The following EID2B variants were observed in gnomAD, a reference collection of about 807,000 sequenced individuals.
EID2B encodes EP300 interacting inhibitor of differentiation 2B.
EID2B carries 6 observed loss-of-function variants against 5.9 expected under a neutral mutation model. The ratio of observed to expected loss-of-function variants is 1.01; its 90% CI spans 0.55 to 2.00. EID2B has a LOEUF of 2.00. Among genes scored for constraint, EID2B ranks in the 30% most tolerant of loss-of-function variants. The probability of loss-of-function intolerance (pLI) is 0.00; values close to 1 mark genes in which losing one functional copy is unlikely to be tolerated. For missense variants in EID2B, 234 were observed against 228.1 expected (o/e 1.03, Z -0.17); for synonymous variants, 94 against 104.2 (o/e 0.90, Z 0.60).
rs1288078135 is a variant in EID2B at position 39,531,196 on chromosome 19, C to G, written c.*1121G>C. ...GATACTTTTTTTCTTTTTTTTGAGA[C>G]GGAGTCCCACTCTGTTGACCAGGCT... is the stretch of plus-strand genomic sequence containing the variant. On this transcript the variant is annotated 3_prime_UTR_variant, in exon 1 of 1. Transcript: ENST00000326282. 1.3e-5 allele frequency: 2 copies of G among 152,058 alleles called. No individual in the cohort carries two copies. Among genetic ancestry groups the G allele is most frequent in the African/African-American group, 4.8e-5 (2 of 41,396 alleles). The allele number at this position is 152,058 out of a possible 1,614,324, so 9.4% of individuals were successfully genotyped here. A position where few individuals can be genotyped will look rare whatever the true frequency, so the allele number is the denominator to read the frequency against.
rs531974059 is a variant in EID2B at position 39,532,507 on chromosome 19, T to C, written c.296A>G (p.Tyr99Cys). ...CGGAATCATGGAGCTACCATCCAGA[T>C]ACTCGCGGAACAACAGCTGCCGGTT... ...EINRQLLFRE[Y>C]LDGSSMIPVR... The change falls in exon 1 of 1, where the codon TAT becomes TGT. Residue 99 changes from tyrosine to cysteine, a missense_variant. Physicochemically the swap from Tyr to Cys is radical, Grantham distance 194. Transcript: ENST00000326282. 2 of 1,614,160 alleles carry C rather than the reference T, an allele frequency of 1.2e-6. No homozygotes were observed. Among genetic ancestry groups the C allele is most frequent in the Non-Finnish European group, 1.7e-6 (2 of 1,180,036 alleles).
In EID2B at chr19:39,532,502, C is replaced by G; in HGVS notation, c.301G>C (p.Asp101His). ...CTGACCGGAATCATGGAGCTACCAT[C>G]CAGATACTCGCGGAACAACAGCTGC... ...NRQLLFREYLDGSSMIPVRLL... is the reference protein window; with the variant it reads ...NRQLLFREYLHGSSMIPVRLL... The change falls in exon 1 of 1, where the codon GAT becomes CAT. Residue 101 changes from aspartate to histidine, a missense_variant. Physicochemically the swap from Asp to His is moderately conservative, Grantham distance 81. Coordinates refer to ENST00000326282, the MANE Select transcript of EID2B (RefSeq NM_152361.3). The G allele has an allele frequency of 1.2e-6, 2 of 1,614,202 alleles. No individual in the cohort carries two copies. Among genetic ancestry groups the G allele is most frequent in the Non-Finnish European group, 1.7e-6 (2 of 1,180,042 alleles).
rs949180210 is a variant in EID2B, at chr19:39,532,343, C to A, written c.460G>T (p.Glu154Ter). ...VAFTVALTAS[E>*]ALSPLAD ...CAGTCGGCCAGAGGACTGAGGGCCT[C>A]GGAGGCAGTCAGCGCTACCGTAAAC... Residue 154 changes from glutamate (E) to a stop codon, truncating the protein, a stop_gained, in exon 1 of 1, where the codon GAG becomes TAG. Coordinates refer to ENST00000326282, the MANE Select transcript of EID2B (RefSeq NM_152361.3). LOFTEE classifies it high-confidence loss of function. The A allele has an allele frequency of 1.2e-6, 2 of 1,613,766 alleles. No homozygotes were observed. Among genetic ancestry groups the A allele is most frequent in the Admixed American group, 3.3e-5 (2 of 59,994 alleles).
In EID2B at chr19:39,532,661, C is replaced by T. The variant is rs1396045579; in HGVS notation, c.142G>A (p.Gly48Ser). Reference protein sequence around the residue: ...GGVRVQEAREGPVAEAARSMA... With the variant: ...GGVRVQEARESPVAEAARSMA... ...GACCGCGCAGCTTCGGCCACTGGGC[C>T]TTCCCGAGCCTCCTGCACCCGAACC... is the stretch of plus-strand genomic sequence containing the variant. Residue 48 changes from glycine (G) to serine (S), a missense_variant, in exon 1 of 1, where the codon GGC becomes AGC. Coordinates refer to ENST00000326282, the MANE Select transcript of EID2B (RefSeq NM_152361.3). 1.2e-6 allele frequency: 2 copies of T among 1,607,256 alleles called. No individual in the cohort carries two copies. Among genetic ancestry groups the T allele is most frequent in the Non-Finnish European group, 1.7e-6 (2 of 1,177,142 alleles).
Position 39,532,548 on chromosome 19 carries a change from GAGC to G in EID2B, c.252_254del (p.Gln84_Leu85delinsHis). 1 of 1,613,986 alleles carries G rather than the reference GAGC, an allele frequency of 6.2e-7. No individual in the cohort carries two copies. Among genetic ancestry groups the G allele is most frequent in the Non-Finnish European group, 8.5e-7 (1 of 1,179,988 alleles). On this transcript the variant is annotated inframe_deletion, in exon 1 of 1. Coordinates refer to ENST00000326282, the MANE Select transcript of EID2B (RefSeq NM_152361.3). Reference sequence around the variant, plus strand: ...GCTGCCGGTTAATTTCTAAGAAAGCGAGCTGCTGATGGGGGTCTGGCGCGGAGG... The same window carrying G: ...GCTGCCGGTTAATTTCTAAGAAAGCGTGCTGATGGGGGTCTGGCGCGGAGG...
Position 39,532,535 on chromosome 19 carries a change from T to G in EID2B, c.268A>C (p.Ile90Leu), listed in dbSNP as rs767907651. ...DPHQQLAFLE[I>L]NRQLLFREYL... Reference sequence around the variant, plus strand: ...TCGCGGAACAACAGCTGCCGGTTAATTTCTAAGAAAGCGAGCTGCTGATGG... The same window carrying G: ...TCGCGGAACAACAGCTGCCGGTTAAGTTCTAAGAAAGCGAGCTGCTGATGG... The change falls in exon 1 of 1, where the codon ATT becomes CTT. Residue 90 changes from isoleucine (I) to leucine (L), a missense_variant. Physicochemically the swap from Ile to Leu is conservative, Grantham distance 5. Coordinates refer to ENST00000326282, the MANE Select transcript of EID2B (RefSeq NM_152361.3). 3 of 1,613,976 alleles carry G rather than the reference T, an allele frequency of 1.9e-6. No homozygotes were observed. In the African/African-American group the frequency reaches 4.0e-5, roughly 22 times the overall value.
rs1971963415 is a variant in EID2B, at chr19:39,531,613, G to GT, written c.*703dup. 1 of 152,192 alleles carries GT rather than the reference G, an allele frequency of 6.6e-6. No homozygotes were observed. Among genetic ancestry groups the GT allele is most frequent in the South Asian group, 2.1e-4 (1 of 4,830 alleles). 9.4% of individuals were successfully genotyped at this position (152,192 alleles called of 1,614,324 possible). On this transcript the variant is annotated 3_prime_UTR_variant, in exon 1 of 1. Transcript: ENST00000326282. ...GAAAACACTGATCATATAATACGTG[G>GT]TTTTTTCTATTGAATATTTACTGTT...
In EID2B at chr19:39,532,482, C is replaced by T. The variant is rs757995858; in HGVS notation, c.321G>A (p.Pro107=). The stretch of plus-strand genomic sequence containing the variant: ...CCTCGAAATCCCGTAGTAATCTGAC[C>T]GGAATCATGGAGCTACCATCCAGAT... ...REYLDGSSMI[P]VRLLRDFEER... The change falls in exon 1 of 1, where the codon CCG becomes CCA. Residue 107 remains proline (P), a synonymous_variant. Coordinates refer to ENST00000326282, the MANE Select transcript of EID2B (RefSeq NM_152361.3). 3.1e-6 allele frequency: 5 copies of T among 1,614,182 alleles called. No homozygotes were observed. The highest frequency in any genetic ancestry group is 4.5e-5 in the East Asian group (2 of 44,884).
At position 39,532,767 on chromosome 19, in the gene EID2B, C is replaced by T; in HGVS notation, c.36G>A (p.Glu12=). 1.2e-6 allele frequency: 2 copies of T among 1,611,640 alleles called. No individual in the cohort carries two copies. The highest frequency in any genetic ancestry group is 1.1e-5 in the South Asian group (1 of 90,952). Residue 12 remains glutamate (E), a synonymous_variant, in exon 1 of 1, where the codon GAG becomes GAA. Transcript: ENST00000326282. ...AEPTGLLEMS[E]LPGDSSVPQV... ...GTGGGACACTGCTATCTCCGGGGAGCTCGGACATCTCCAACAGCCCAGTCG... is the reference window on the plus strand; with the variant it reads ...GTGGGACACTGCTATCTCCGGGGAGTTCGGACATCTCCAACAGCCCAGTCG...
chr19:39,532,557 A>G lies in EID2B; in HGVS notation c.246T>C (p.His82=). 4 of 1,613,868 alleles carry G rather than the reference A, an allele frequency of 2.5e-6. No individual in the cohort carries two copies. The highest frequency in any genetic ancestry group is 3.4e-6 in the Non-Finnish European group (4 of 1,179,976). Residue 82 remains histidine (H), a synonymous_variant, in exon 1 of 1, where the codon CAT becomes CAC. Coordinates refer to ENST00000326282, the MANE Select transcript of EID2B (RefSeq NM_152361.3). ...VPGLASAPDP[H]QQLAFLEINR... ...TAATTTCTAAGAAAGCGAGCTGCTG[A>G]TGGGGGTCTGGCGCGGAGGCCAGGC...
In EID2B at chr19:39,532,848, T is replaced by G. The variant is rs1471497868; in HGVS notation, c.-46A>C. ...GACTGGAATAACGGCACTGCACTGCTGTATGCGAGACCTGCGCATGCGCGA... is the reference window on the plus strand; with the variant it reads ...GACTGGAATAACGGCACTGCACTGCGGTATGCGAGACCTGCGCATGCGCGA... On this transcript the variant is annotated 5_prime_UTR_variant, in exon 1 of 1. Coordinates refer to ENST00000326282, the MANE Select transcript of EID2B (RefSeq NM_152361.3). 1.9e-6 allele frequency: 3 copies of G among 1,596,170 alleles called. No homozygotes were observed. The highest frequency in any genetic ancestry group is 2.5e-6 in the Non-Finnish European group (3 of 1,177,762).
Position 39,532,277 on chromosome 19 carries a change from T to C in EID2B, c.*40A>G. 1 of 1,592,174 alleles carries C rather than the reference T, an allele frequency of 6.3e-7. No individual in the cohort carries two copies. The highest frequency in any genetic ancestry group is 8.6e-7 in the Non-Finnish European group (1 of 1,165,672). ...GTTCTTTTGATCCCAAAAGGGTCACTTGGCTATTCCTTGCCACCAATGTCA... is the reference window on the plus strand; with the variant it reads ...GTTCTTTTGATCCCAAAAGGGTCACCTGGCTATTCCTTGCCACCAATGTCA... On this transcript the variant is annotated 3_prime_UTR_variant, in exon 1 of 1. Coordinates refer to ENST00000326282, the MANE Select transcript of EID2B (RefSeq NM_152361.3).
rs1371741610 is a variant in EID2B at position 39,532,092 on chromosome 19, AT to A, written c.*224del. 6 of 576,360 alleles carry A rather than the reference AT, an allele frequency of 1.0e-5. No homozygotes were observed. The highest frequency in any genetic ancestry group is 4.7e-4 in the Middle Eastern group (1 of 2,108). 35.7% of individuals were successfully genotyped at this position (576,360 alleles called of 1,614,324 possible). ...CTAGGGATGCGAGACTCCCTTCTCT[AT>A]TTAAATAATACTAAAAAAGAAGAAA... On this transcript the variant is annotated 3_prime_UTR_variant, in exon 1 of 1. Coordinates refer to ENST00000326282, the MANE Select transcript of EID2B (RefSeq NM_152361.3).
rs1023861838 is a variant in EID2B, at chr19:39,531,336, G to A, written c.*981C>T. Reference sequence around the variant, plus strand: ...CTACAAGCGCGTGCCACCACACCCAGTTAATTTTTTATTTTTCGTAGAGAT... The same window carrying A: ...CTACAAGCGCGTGCCACCACACCCAATTAATTTTTTATTTTTCGTAGAGAT... On this transcript the variant is annotated 3_prime_UTR_variant, in exon 1 of 1. Coordinates refer to ENST00000326282, the MANE Select transcript of EID2B (RefSeq NM_152361.3). 1 of 152,252 alleles carries A rather than the reference G, an allele frequency of 6.6e-6. No individual in the cohort carries two copies. Among genetic ancestry groups the A allele is most frequent in the African/African-American group, 2.4e-5 (1 of 41,562 alleles). The allele number at this position is 152,252 out of a possible 1,614,324, so 9.4% of individuals were successfully genotyped here. A position where few individuals can be genotyped will look rare whatever the true frequency, so the allele number is the denominator to read the frequency against.
Position 39,532,715 on chromosome 19 carries a change from C to T in EID2B, c.88G>A (p.Asp30Asn). 1.2e-6 allele frequency: 2 copies of T among 1,610,216 alleles called. No individual in the cohort carries two copies. Among genetic ancestry groups the T allele is most frequent in the Non-Finnish European group, 1.7e-6 (2 of 1,178,998 alleles). ...CCGCCGACTGCCCCCCGCAGTACGT[C>T]GCTGACGCCACTCGCGGTGCCCACC... is the stretch of plus-strand genomic sequence containing the variant. ...PQVGTASGVS[D>N]VLRGAVGGGV... The change falls in exon 1 of 1, where the codon GAC becomes AAC. Residue 30 changes from aspartate to asparagine, a missense_variant. Physicochemically the swap from Asp to Asn is conservative, Grantham distance 23 (BLOSUM62 1). Coordinates refer to ENST00000326282, the MANE Select transcript of EID2B (RefSeq NM_152361.3).
In EID2B at chr19:39,531,580, A is replaced by G. The variant is rs2144784556; in HGVS notation, c.*737T>C. ...TTATTCCACACCTACCCAATTTCAC[A>G]TAGACTTGAAAACACTGATCATATA... On this transcript the variant is annotated 3_prime_UTR_variant, in exon 1 of 1. Transcript: ENST00000326282. 6.6e-6 allele frequency: 1 copy of G among 152,376 alleles called. No homozygotes were observed. The highest frequency in any genetic ancestry group is 2.1e-4 in the South Asian group (1 of 4,830). 9.4% of individuals were successfully genotyped at this position (152,376 alleles called of 1,614,324 possible). A position where few individuals can be genotyped will look rare whatever the true frequency, so the allele number is the denominator to read the frequency against.
rs1359489387 is a variant in EID2B, at chr19:39,531,087, A to G, written c.*1230T>C. On this transcript the variant is annotated 3_prime_UTR_variant, in exon 1 of 1. Coordinates refer to ENST00000326282, the MANE Select transcript of EID2B (RefSeq NM_152361.3). Reference sequence around the variant, plus strand: ...ACCAAGAAAACAACAACAAAACTCCAAGCCACAAGCAATGGCACCTGCATG... The same window carrying G: ...ACCAAGAAAACAACAACAAAACTCCGAGCCACAAGCAATGGCACCTGCATG... The G allele has an allele frequency of 6.6e-6, 1 of 152,244 alleles. No individual in the cohort carries two copies. The highest frequency in any genetic ancestry group is 1.9e-4 in the East Asian group (1 of 5,206). The allele number at this position is 152,244 out of a possible 1,614,324, so 9.4% of individuals were successfully genotyped here.
chr19:39,532,651 G>A lies in EID2B; in HGVS notation c.152C>T (p.Ala51Val). Residue 51 changes from alanine to valine, a missense_variant, in exon 1 of 1, where the codon GCC becomes GTC. By Grantham distance (64) the Ala-to-Val change is moderately conservative. Coordinates refer to ENST00000326282, the MANE Select transcript of EID2B (RefSeq NM_152361.3). ...CCGCGCCATGGACCGCGCAGCTTCGGCCACTGGGCCTTCCCGAGCCTCCTG... is the reference window on the plus strand; with the variant it reads ...CCGCGCCATGGACCGCGCAGCTTCGACCACTGGGCCTTCCCGAGCCTCCTG... ...RVQEAREGPV[A>V]EAARSMARMP... 6.2e-7 allele frequency: 1 copy of A among 1,607,896 alleles called. No individual in the cohort carries two copies. Among genetic ancestry groups the A allele is most frequent in the Non-Finnish European group, 8.5e-7 (1 of 1,177,378 alleles).
rs1210746605 is a variant in EID2B at position 39,531,680 on chromosome 19, T to TAGG, written c.*634_*636dup. The TAGG allele has an allele frequency of 6.6e-6, 1 of 152,238 alleles. No homozygotes were observed. Among genetic ancestry groups the TAGG allele is most frequent in the Non-Finnish European group, 1.5e-5 (1 of 68,046 alleles). The allele number at this position is 152,238 out of a possible 1,614,324, so 9.4% of individuals were successfully genotyped here. A position where few individuals can be genotyped will look rare whatever the true frequency, so the allele number is the denominator to read the frequency against. ...GAAAACACAAATATGAATCTTACAC[T>TAGG]AGGATTTGTTGACATGACCACAAAT... On this transcript the variant is annotated 3_prime_UTR_variant, in exon 1 of 1. Transcript: ENST00000326282.
Sources: gnomAD v4.1 joint callset for allele counts on GRCh38, gnomAD v4.1.1 for gene constraint, MANE v1.5 for transcripts, NCBI Gene and HGNC (gene_info 2026-07-23, HGNC 2026-07-21) for gene names.